The following ENAH variants were observed in gnomAD, a reference collection of about 807,000 sequenced individuals.
The protein encoded by ENAH is ENAH actin regulator, also known as protein enabled homolog.
In ENAH, 23 loss-of-function variants were observed where a neutral mutation model predicts 78.7. That is an observed-to-expected ratio of 0.29 (90% CI 0.21 to 0.41). ENAH has a LOEUF of 0.41. Among genes scored for constraint, ENAH ranks in the 10% least tolerant of loss-of-function variants. The pLI, the probability that ENAH is intolerant of heterozygous loss-of-function variation, is 1.00. For missense variants in ENAH, 544 were observed against 691.0 expected (o/e 0.79, Z 2.39); for synonymous variants, 226 against 241.0 (o/e 0.94, Z 0.58).
chr1:225,588,109 T>C (rs73124016), intron 1 of ENAH, among the ~76,000 whole-genome samples: 1,906 of 152,216 alleles, frequency 0.013, 34 homozygotes, highest in African/African-American at 0.044. Flanking sequence ...ATTAAAATTT[T>C]CTCCCATAAA....
chr1:225,615,224 C>A (rs918662316), intron 1 of ENAH, among the ~76,000 whole-genome samples: 1 of 151,698 alleles, frequency 6.6e-6, no homozygotes, highest in Non-Finnish European at 1.5e-5. Context: ...TGTATTTTTT[C>A]GGTGGAGACG....
intron 1 of ENAH, among the ~76,000 whole-genome samples, chr1:225,636,254 A>G (rs1660039448): frequency 6.6e-6 from 1 of 152,228 alleles, no homozygotes; most frequent in African/African-American, 2.4e-5. Flanking sequence ...ATTAGTTTCT[A>G]ATTTTAGTTA....
At chr1:225,578,866 TTA>T (rs1168429920) in intron 1 of ENAH, among the ~76,000 whole-genome samples, 4 of 152,280 alleles carry the variant, frequency 2.6e-5, no homozygotes, top group African/African-American at 9.6e-5. Flanking sequence ...ATCTCTTGGT[TTA>T]TGTTATGAAA....
chr1:225,585,740 G>A (rs2096842903), intron 1 of ENAH, among the ~76,000 whole-genome samples: 2 of 152,016 alleles, frequency 1.3e-5, no homozygotes, highest in Admixed American at 6.6e-5. Context: ...AGTGAAGCAT[G>A]TCTGTACCAC....
intron 4 of ENAH, chr1:225,524,716 C>T: frequency 1.2e-6 from 1 of 867,614 alleles, no homozygotes; most frequent in African/African-American, 1.8e-5. Context: ...ATTATTATTC[C>T]CCTTTTATAA....
At chr1:225,636,856 A>G (rs2148408317) in intron 1 of ENAH, among the ~76,000 whole-genome samples, 1 of 152,322 alleles carries the variant, frequency 6.6e-6, no homozygotes, top group Non-Finnish European at 1.5e-5. Context: ...AAATGTATGT[A>G]TGACACACCA....
chr1:225,622,330 T>G (rs572110609), intron 1 of ENAH, among the ~76,000 whole-genome samples: 15 of 152,270 alleles, frequency 9.9e-5, no homozygotes. Flanking sequence ...GACTCAAGCT[T>G]ATAATCCAGC....
At chr1:225,508,527 A>G (rs1300647982) in intron 10 of ENAH, 3 of 152,274 alleles carry the variant, frequency 2.0e-5, no homozygotes, top group South Asian at 2.1e-4. Flanking sequence ...CTCAAAATAA[A>G]TATCAGAATC....
chr1:225,546,644 T>C (rs910785890), intron 3 of ENAH, among the ~76,000 whole-genome samples: 1 of 152,150 alleles, frequency 6.6e-6, no homozygotes, highest in African/African-American at 2.4e-5. Flanking sequence ...CGGCTGAAAA[T>C]TGAGGCTTTG....
At chr1:225,576,287 A>C (rs2096787665) in intron 1 of ENAH, among the ~76,000 whole-genome samples, 1 of 151,758 alleles carries the variant, frequency 6.6e-6, no homozygotes, top group South Asian at 2.1e-4. Context: ...AAAAAAAAAA[A>C]AAAAACCCAA....
chr1:225,510,245 G>A (rs1268521979), intron 10 of ENAH, among the ~76,000 whole-genome samples: 1 of 152,090 alleles, frequency 6.6e-6, no homozygotes, highest in African/African-American at 2.4e-5. Flanking sequence ...TTTTATATAA[G>A]GGATTATATA....
chr1:225,607,398 T>C (rs1354353308), intron 1 of ENAH, among the ~76,000 whole-genome samples: 1 of 151,718 alleles, frequency 6.6e-6, no homozygotes, highest in Non-Finnish European at 1.5e-5. Flanking sequence ...AGCAGATGGA[T>C]TAGAGGTAAC....
chr1:225,536,100 T>C (rs1234658036), intron 3 of ENAH, among the ~76,000 whole-genome samples: 1 of 152,168 alleles, frequency 6.6e-6, no homozygotes, highest in African/African-American at 2.4e-5. Context: ...AAAATAAGAA[T>C]ATCTTTGGTT....
At chr1:225,497,939 C>G in intron 13 of ENAH, 127 bp from the exon 14 acceptor site, 1 of 692,040 alleles carries the variant, frequency 1.4e-6, no homozygotes, top group East Asian at 2.8e-5. Context: ...AACTTTGCAT[C>G]TTTCATTGCA....
At chr1:225,573,151 T>C (rs184896818) in intron 1 of ENAH, among the ~76,000 whole-genome samples, 9 of 152,326 alleles carry the variant, frequency 5.9e-5, no homozygotes, top group Admixed American at 1.3e-4. Flanking sequence ...ATACTATTTA[T>C]TGAGATTGCA....
chr1:225,567,311 T>C lies in ENAH; in HGVS notation c.109A>G (p.Ile37Val), dbSNP rs764294914. 4 of 1,614,182 alleles carry C rather than the reference T, an allele frequency of 2.5e-6. No homozygotes were observed. The East Asian group carries it at 6.7e-5, about 27-fold the overall frequency. The change falls in exon 2 of 14, where the codon ATC becomes GTC. Residue 37 changes from isoleucine to valine, a missense_variant. By Grantham distance (29) the Ile-to-Val change is conservative. Around this residue, in one of 4 missense-constraint regions of ENAH, gnomAD observed 77 missense variants for 151.8 expected, o/e 0.51. Coordinates refer to ENST00000366843, the MANE Select transcript of ENAH (RefSeq NM_018212.6). The part of the protein sequence containing the change: ...GGSTGFSRVH[I>V]YHHTGNNTFR... ...GTGTTGTTGCCTGTATGGTGATAGATATGAACTCTGCTGAATCCAGTTGAG... is the reference window on the plus strand; with the variant it reads ...GTGTTGTTGCCTGTATGGTGATAGACATGAACTCTGCTGAATCCAGTTGAG...
chr1:225,619,252 C>CACCA (rs889197597), intron 1 of ENAH, among the ~76,000 whole-genome samples: 63 of 152,228 alleles, frequency 4.1e-4, no homozygotes, highest in African/African-American at 1.5e-3. Flanking sequence ...GTTAGCAAAA[C>CACCA]ACCACCCTTG....
At chr1:225,572,190 C>A (rs1435277665) in intron 1 of ENAH, among the ~76,000 whole-genome samples, 1 of 151,940 alleles carries the variant, frequency 6.6e-6, no homozygotes, top group Non-Finnish European at 1.5e-5. Context: ...GGTGAAATCT[C>A]GAGAAGAGAC....
At chr1:225,547,244 G>A (rs554721020) in intron 3 of ENAH, among the ~76,000 whole-genome samples, 4 of 152,014 alleles carry the variant, frequency 2.6e-5, no homozygotes, top group Admixed American at 2.6e-4. Flanking sequence ...GCTTATTTTC[G>A]TATTTTTAGT....
Sources: gnomAD v4.1 joint callset for allele counts (sites outside exome capture counted in the v4.1 genomes callset) on GRCh38, gnomAD v4.1.1 for gene constraint, gnomAD v4.1.1 regional missense constraint, MANE v1.5 for transcripts, NCBI Gene and HGNC (gene_info 2026-07-23, HGNC 2026-07-21) for gene names.